CSGALNACT1: variants seen among roughly 807,000 people sequenced by gnomAD.
CSGALNACT1 encodes chondroitin sulfate N-acetylgalactosaminyltransferase 1.
A neutral mutation model predicts 51.0 loss-of-function variants in CSGALNACT1; 52 were observed. The ratio of observed to expected loss-of-function variants is 1.02; its 90% CI spans 0.82 to 1.29. The LOEUF (loss-of-function observed/expected upper bound fraction) is 1.29. Ranked by LOEUF, CSGALNACT1 falls within the 50% of genes most tolerant of loss-of-function variation. The pLI is 0.00. For missense variants in CSGALNACT1, 935 were observed against 679.2 expected (o/e 1.38, Z -4.19); for synonymous variants, 341 against 254.4 (o/e 1.34, Z -3.24).
At chr8:19,693,877 C>T (rs1453857809) in intron 1 of CSGALNACT1, among the ~76,000 whole-genome samples, 2 of 152,156 alleles carry the variant, frequency 1.3e-5, no homozygotes, top group Non-Finnish European at 2.9e-5. Flanking sequence ...TAAGTTAACA[C>T]ACACTCTGAG....
intron 8 of CSGALNACT1, among the ~76,000 whole-genome samples, chr8:19,417,173 C>T (rs1307280515): frequency 2.6e-5 from 4 of 152,166 alleles, no homozygotes; most frequent in Non-Finnish European, 5.9e-5. Flanking sequence ...ATTCTTAAGA[C>T]GTGAAAAACT....
intron 4 of CSGALNACT1, among the ~76,000 whole-genome samples, chr8:19,478,339 A>G (rs1326778167): frequency 2.1e-5 from 3 of 143,554 alleles, no homozygotes; most frequent in African/African-American, 5.2e-5. Flanking sequence ...GCCTCAACCC[A>G]GGAGGCGGAG....
At chr8:19,696,038 A>G (rs2061565532) in intron 1 of CSGALNACT1, among the ~76,000 whole-genome samples, 1 of 152,210 alleles carries the variant, frequency 6.6e-6, no homozygotes, top group African/African-American at 2.4e-5. Flanking sequence ...AAGACCCAAG[A>G]CCAGTAGCAA....
intron 4 of CSGALNACT1, 26 bp from the exon 4 acceptor site, chr8:19,458,668 T>C (rs2064681905): frequency 3.7e-6 from 6 of 1,608,888 alleles, no homozygotes; most frequent in Middle Eastern, 1.7e-4. Context: ...CAAGGAAAGA[T>C]AGTTCTAAAA....
At chr8:19,548,514 A>T (rs2087042918) in intron 3 of CSGALNACT1, among the ~76,000 whole-genome samples, 1 of 152,228 alleles carries the variant, frequency 6.6e-6, no homozygotes, top group African/African-American at 2.4e-5. Context: ...ACAATAGATT[A>T]CTTTTCAATA....
At chr8:19,448,475 A>G (rs1368717865) in intron 5 of CSGALNACT1, among the ~76,000 whole-genome samples, 1 of 152,234 alleles carries the variant, frequency 6.6e-6, no homozygotes, top group Admixed American at 6.5e-5. Flanking sequence ...TACTGCAGGA[A>G]CTTTATAGTT....
chr8:19,503,832 T>G (rs2076833940), intron 4 of CSGALNACT1, among the ~76,000 whole-genome samples: 1 of 152,128 alleles, frequency 6.6e-6, no homozygotes, highest in Non-Finnish European at 1.5e-5. Context: ...AAAGATTTCT[T>G]TACCTGGCTC....
intron 1 of CSGALNACT1, among the ~76,000 whole-genome samples, chr8:19,620,917 T>C (rs563521176): frequency 6.6e-6 from 1 of 152,226 alleles, no homozygotes; most frequent in South Asian, 2.1e-4. Context: ...GGCTGTGAGA[T>C]ACTCTCACAC....
intron 3 of CSGALNACT1, among the ~76,000 whole-genome samples, chr8:19,546,165 C>A (rs1227765722): frequency 6.6e-6 from 1 of 152,082 alleles, no homozygotes; most frequent in Non-Finnish European, 1.5e-5. Flanking sequence ...ATAAATTCAG[C>A]AGAATATATT....
chr8:19,607,683 T>C (rs1233340657), intron 1 of CSGALNACT1, among the ~76,000 whole-genome samples: 1 of 152,214 alleles, frequency 6.6e-6, no homozygotes, highest in African/African-American at 2.4e-5. Flanking sequence ...CTGCACTTAA[T>C]CCTGTCCAGA....
At chr8:19,626,330 GA>G (rs2054453152) in intron 1 of CSGALNACT1, among the ~76,000 whole-genome samples, 1 of 152,068 alleles carries the variant, frequency 6.6e-6, no homozygotes, top group South Asian at 2.1e-4. Context: ...ATGGAGGAAG[GA>G]GACTGTTTTC....
chr8:19,572,171 CT>C (rs2043185944), intron 3 of CSGALNACT1, among the ~76,000 whole-genome samples: 1 of 152,164 alleles, frequency 6.6e-6, no homozygotes, highest in African/African-American at 2.4e-5. Context: ...TTTTCATATG[CT>C]TTTTAAACTT....
Position 19,513,956 on chromosome 8 carries a change from T to C in CSGALNACT1, c.-296-7826A>G, listed in dbSNP as rs144087298. 9.7e-4 allele frequency among the ~76,000 whole-genome samples: 148 copies of C among 152,258 alleles called. 1 individual carries two copies. The highest frequency in any genetic ancestry group is 6.8e-3 in the Middle Eastern group (2 of 294). On this transcript the variant is annotated intron_variant, in intron 3 of 9. Transcript: ENST00000454498. ...CAAAATGACCTGAAAATGAGCATAA[T>C]AGCTCATCATCTCCCCAAACCACAT...
intron 1 of CSGALNACT1, among the ~76,000 whole-genome samples, chr8:19,611,805 T>G (rs1003041288): frequency 9.2e-5 from 14 of 151,948 alleles, no homozygotes; most frequent in Non-Finnish European, 1.6e-4. Context: ...AAAGTGATGG[T>G]GGAAGGCAAG....
At chr8:19,532,904 A>C (rs990722803) in intron 3 of CSGALNACT1, among the ~76,000 whole-genome samples, 4 of 152,196 alleles carry the variant, frequency 2.6e-5, no homozygotes, top group Admixed American at 6.5e-5. Flanking sequence ...CACCGGACTC[A>C]GTATTTTCCA....
intron 3 of CSGALNACT1, among the ~76,000 whole-genome samples, chr8:19,506,610 G>C (rs1473163949): frequency 6.6e-6 from 1 of 152,208 alleles, no homozygotes; most frequent in Non-Finnish European, 1.5e-5. Flanking sequence ...CTGGTGGGAA[G>C]TGTTTAGATC....
At position 19,444,099 on chromosome 8, in the gene CSGALNACT1, T is replaced by C. The variant is rs148391198; in HGVS notation, c.852-4168A>G. ...CTTACCAGCTACTCACCTCCTGCTG[T>C]GTGGCCTAGTTCCTAACAGGCCACA... On this transcript the variant is annotated intron_variant, in intron 5 of 9. Coordinates refer to ENST00000454498, the Ensembl canonical transcript of CSGALNACT1. 4.6e-3 allele frequency among the ~76,000 whole-genome samples: 697 copies of C among 152,344 alleles called. 5 individuals carry two copies. The highest frequency in any genetic ancestry group is 7.4e-3 in the Non-Finnish European group (501 of 68,028).
chr8:19,649,244 G>A (rs1297998868), intron 1 of CSGALNACT1, among the ~76,000 whole-genome samples: 1 of 152,120 alleles, frequency 6.6e-6, no homozygotes, highest in Non-Finnish European at 1.5e-5. Context: ...CATCTTCTTA[G>A]GTATGACTAC....
At chr8:19,691,370 G>C (rs2061311865) in intron 1 of CSGALNACT1, among the ~76,000 whole-genome samples, 1 of 152,114 alleles carries the variant, frequency 6.6e-6, no homozygotes. Flanking sequence ...AGCTACCAGG[G>C]TCATTTGGAC....
Sources: gnomAD v4.1 joint callset for allele counts (sites outside exome capture counted in the v4.1 genomes callset) on GRCh38, gnomAD v4.1.1 for gene constraint, MANE v1.5 for transcripts, NCBI Gene and HGNC (gene_info 2026-07-23, HGNC 2026-07-21) for gene names.